Variants in ZNF713 observed in about 807,000 individuals in gnomAD.
The protein encoded by ZNF713 is zinc finger protein 713.
Under a neutral mutation model 28.7 loss-of-function variants are expected in ZNF713, and 21 were observed. The observed-to-expected ratio is 0.73, with a 90% CI of 0.52 to 1.05. The LOEUF (loss-of-function observed/expected upper bound fraction) is 1.05, where lower values mean the gene tolerates loss of function less well. ZNF713 is among the 50% of genes least tolerant of loss of function. The pLI is 0.00. For missense variants in ZNF713, 458 were observed against 532.4 expected (o/e 0.86, Z 1.37); for synonymous variants, 167 against 178.0 (o/e 0.94, Z 0.49).
At chr7:55,899,842 A>G (rs1785541187) in intron 1 of ZNF713, among the ~76,000 whole-genome samples, 1 of 151,852 alleles carries the variant, frequency 6.6e-6, no homozygotes, top group African/African-American at 2.4e-5. Context: ...CCCAGGTTCA[A>G]GTGATTCTTG....
intron 6 of ZNF713, among the ~76,000 whole-genome samples, chr7:55,927,282 A>G (rs148170759): frequency 0.012 from 1,788 of 152,266 alleles, 35 homozygotes; most frequent in Non-Finnish European, 0.013. Flanking sequence ...CACGCCTAGC[A>G]CTTTCGGAGA....
chr7:55,887,755 C>CG (rs1456495994), intron 1 of ZNF713, 75 bp downstream of exon 1: 33 of 1,256 alleles, frequency 0.026, 9 homozygotes, highest in Non-Finnish European at 0.038. Context: ...AGGCGGGGGG[C>CG]GGAGGCGGGG....
At chr7:55,896,558 A>G (rs1184883201) in intron 1 of ZNF713, among the ~76,000 whole-genome samples, 1 of 151,664 alleles carries the variant, frequency 6.6e-6, no homozygotes, top group Admixed American at 6.6e-5. Flanking sequence ...ATCAGATATC[A>G]GTATGAACTC....
chr7:55,931,623 C>G (rs954129907), intron 6 of ZNF713, among the ~76,000 whole-genome samples: 1 of 151,600 alleles, frequency 6.6e-6, no homozygotes, highest in Non-Finnish European at 1.5e-5. Context: ...CTTTCCCTCT[C>G]TCCTCTCCCT....
intron 2 of ZNF713, among the ~76,000 whole-genome samples, chr7:55,910,398 T>A (rs1019815062): frequency 1.3e-5 from 2 of 152,202 alleles, no homozygotes; most frequent in Non-Finnish European, 2.9e-5. Flanking sequence ...TTTCAACTTT[T>A]CCCCATTCGA....
Position 55,941,585 on chromosome 7 carries a change from T to C in ZNF713, c.*1579T>C, listed in dbSNP as rs989189271. On this transcript the variant is annotated 3_prime_UTR_variant, in exon 7 of 7. Transcript: ENST00000429591. ...ATTTGTATGCTTTCTTTACAGTTTT[T>C]ACCATATCTAGTATTTACTTAATAT... The C allele has an allele frequency of 1.7e-4, 26 of 152,176 alleles. No homozygotes were observed. The highest frequency in any genetic ancestry group is 5.8e-4 in the African/African-American group (24 of 41,456). The allele number at this position is 152,176 out of a possible 1,614,324, so 9.4% of individuals were successfully genotyped here.
intron 1 of ZNF713, among the ~76,000 whole-genome samples, chr7:55,900,338 C>T (rs1426357489): frequency 4.1e-5 from 6 of 146,610 alleles, no homozygotes; most frequent in Admixed American, 1.4e-4. Context: ...CATGGCGGCA[C>T]GTGTCTGTAA....
chr7:55,927,176 G>A (rs576752327), intron 6 of ZNF713, among the ~76,000 whole-genome samples: 19 of 152,060 alleles, frequency 1.2e-4, no homozygotes, highest in Admixed American at 1.0e-3. Flanking sequence ...GCTAGCTAGA[G>A]TGAGGAGTGG....
intron 4 of ZNF713, among the ~76,000 whole-genome samples, chr7:55,916,596 CAT>C (rs1012376799): frequency 4.6e-5 from 7 of 152,312 alleles, no homozygotes; most frequent in Non-Finnish European, 1.0e-4. Context: ...CCATGCCTGG[CAT>C]ATATATAGGA....
At chr7:55,900,754 G>A (rs6421738) in intron 1 of ZNF713, among the ~76,000 whole-genome samples, 124,992 of 152,174 alleles carry the variant, frequency 0.82, 51,869 homozygotes, top group East Asian at 0.95. Flanking sequence ...GACAGGAGGG[G>A]TAAGCTTTAG....
At chr7:55,892,555 C>CGAAAAAAAAA (rs574054003) in intron 1 of ZNF713, among the ~76,000 whole-genome samples, 1 of 74,366 alleles carries the variant, frequency 1.3e-5, no homozygotes. Context: ...AAGCACTGAC[C>CGAAAAAAAAA]AAAAAAAAAA....
At chr7:55,912,756 AGTGTTCTCAGAAT>A in intron 4 of ZNF713, 33 bp downstream of exon 4, 4 of 1,563,596 alleles carry the variant, frequency 2.6e-6, no homozygotes, top group Non-Finnish European at 3.5e-6. Flanking sequence ...CTGAAATGCC[AGTGTTCTCAGAAT>A]GTGGGCACTT....
At position 55,914,748 on chromosome 7, in the gene ZNF713, G is replaced by A. The variant is rs1445019758; in HGVS notation, c.87+2025G>A. Among the ~76,000 whole-genome samples, 3 of 152,202 alleles carry A rather than the reference G, an allele frequency of 2.0e-5. No homozygotes were observed. The South Asian group carries it at 6.2e-4, about 32-fold the overall frequency. ...GACAGGAAATAAAACTTGAGCAAGA[G>A]CAGGGACAATAAGGAGACTGTCAGC... On this transcript the variant is annotated intron_variant, in intron 4 of 6. Transcript: ENST00000429591.
At chr7:55,935,588 A>G (rs1786329021) in intron 6 of ZNF713, among the ~76,000 whole-genome samples, 1 of 152,110 alleles carries the variant, frequency 6.6e-6, no homozygotes, top group Non-Finnish European at 1.5e-5. Context: ...AGGAACCCTC[A>G]CCCACATCTC....
At chr7:55,892,061 C>T (rs566446026) in intron 1 of ZNF713, among the ~76,000 whole-genome samples, 15 of 152,030 alleles carry the variant, frequency 9.9e-5, no homozygotes, top group African/African-American at 3.1e-4. Flanking sequence ...AGGCGGATCA[C>T]GAGGTCAGGA....
intron 6 of ZNF713, among the ~76,000 whole-genome samples, chr7:55,931,664 T>G (rs959814705): frequency 5.9e-5 from 9 of 151,878 alleles, no homozygotes; most frequent in African/African-American, 2.2e-4. Context: ...TCTTTCTTAC[T>G]TCCTTGTTTC....
rs375371011 is a variant in ZNF713, at chr7:55,934,519, G to A, written c.308-4463G>A. On this transcript the variant is annotated intron_variant, in intron 6 of 6. Coordinates refer to ENST00000429591, the MANE Select transcript of ZNF713 (RefSeq NM_182633.3). ...CATTTCACACTGTTAGGTGCATTTGGTAGAGCCTTATGTGTGTTTGGTCTC... is the reference window on the plus strand; with the variant it reads ...CATTTCACACTGTTAGGTGCATTTGATAGAGCCTTATGTGTGTTTGGTCTC... 4.8e-4 allele frequency among the ~76,000 whole-genome samples: 73 copies of A among 152,202 alleles called. 1 individual carries two copies. In the South Asian group the frequency reaches 0.015, roughly 30 times the overall value.
intron 3 of ZNF713, 37 bp from the exon 4 acceptor site, chr7:55,912,598 G>A (rs570978645): frequency 8.9e-6 from 13 of 1,453,896 alleles, no homozygotes; most frequent in African/African-American, 5.6e-5. Context: ...TTTAACCTTC[G>A]TGTCATATAT....
At chr7:55,892,572 AAAAAAAC>A (rs1329657856) in intron 1 of ZNF713, among the ~76,000 whole-genome samples, 3 of 149,972 alleles carry the variant, frequency 2.0e-5, no homozygotes, top group African/African-American at 4.9e-5. Flanking sequence ...AAAAAAAAAA[AAAAAAAC>A]AAAGCAGAAT....
Sources: gnomAD v4.1 joint callset for allele counts (sites outside exome capture counted in the v4.1 genomes callset) on GRCh38, gnomAD v4.1.1 for gene constraint, MANE v1.5 for transcripts, NCBI Gene and HGNC (gene_info 2026-07-23, HGNC 2026-07-21) for gene names.